The following PHOSPHO1 variants were observed in gnomAD, a reference collection of about 807,000 sequenced individuals.
PHOSPHO1 encodes the protein phosphoethanolamine/phosphocholine phosphatase.
In PHOSPHO1, 6 loss-of-function variants were observed where a neutral mutation model predicts 17.7. The ratio of observed to expected loss-of-function variants is 0.34; its 90% CI spans 0.19 to 0.67. PHOSPHO1 has a LOEUF of 0.67. Ranked by LOEUF, PHOSPHO1 falls within the 30% of genes least tolerant of loss-of-function variation. PHOSPHO1 has a pLI of 0.69. For missense variants in PHOSPHO1, 330 were observed against 392.1 expected (o/e 0.84, Z 1.34); for synonymous variants, 159 against 174.6 (o/e 0.91, Z 0.71).
chr17:49,224,024 C>T lies in PHOSPHO1; in HGVS notation c.*222G>A. ...GATGGGTCAGACTCCAGAACTCAAC[C>T]GTGCACAGTGGAGTGGGGGAGGCAG... is the stretch of plus-strand genomic sequence containing the variant. On this transcript the variant is annotated 3_prime_UTR_variant, in exon 3 of 3. Transcript: ENST00000310544. The T allele has an allele frequency of 1.6e-6, 1 of 629,622 alleles. No individual in the cohort carries two copies. The allele number at this position is 629,622 out of a possible 1,614,324, so 39.0% of individuals were successfully genotyped here. A position where few individuals can be genotyped will look rare whatever the true frequency, so the allele number is the denominator to read the frequency against.
At chr17:49,228,447 A>G (rs931248818) in intron 1 of PHOSPHO1, among the ~76,000 whole-genome samples, 3 of 152,058 alleles carry the variant, frequency 2.0e-5, no homozygotes, top group Admixed American at 2.0e-4. Flanking sequence ...ACTTAAGTCT[A>G]GGAGTTTGAG....
Position 49,226,748 on chromosome 17 carries a change from G to A in PHOSPHO1, c.-57C>T, listed in dbSNP as rs1028689111. 4.4e-5 allele frequency: 71 copies of A among 1,601,144 alleles called. No individual in the cohort carries two copies. In the African/African-American group the frequency reaches 7.5e-4, roughly 17 times the overall value. The stretch of plus-strand genomic sequence containing the variant: ...GGGACTCTGTTGGCCTCCAGCCGTC[G>A]TCACACGTTCCTGACAACCACAAAA... On this transcript the variant is annotated 5_prime_UTR_variant, in exon 2 of 3. The change creates a new upstream start codon in the 5' untranslated region. Coordinates refer to ENST00000310544, the MANE Select transcript of PHOSPHO1 (RefSeq NM_178500.4).
At position 49,224,885 on chromosome 17, in the gene PHOSPHO1, G is replaced by T. The variant is rs1364860776; in HGVS notation, c.165C>A (p.Leu55=). 5.5e-5 allele frequency: 88 copies of T among 1,604,512 alleles called. No individual in the cohort carries two copies. The highest frequency in any genetic ancestry group is 7.5e-5 in the Non-Finnish European group (88 of 1,176,356). The stretch of plus-strand genomic sequence containing the variant: ...GGTAGGTGGCTCGCAGGCTCTCCGG[G>T]AGCCGCTGGCCCGGCGCGGCGCGCA... ...SIVRAAPGQR[L]PESLRATYRE... is the part of the protein sequence containing the mutation. Residue 55 remains leucine (L), a synonymous_variant, in exon 3 of 3, where the codon CTC becomes CTA. Coordinates refer to ENST00000310544, the MANE Select transcript of PHOSPHO1 (RefSeq NM_178500.4).
At chr17:49,227,154 G>A (rs2043365307) in intron 1 of PHOSPHO1, among the ~76,000 whole-genome samples, 1 of 152,206 alleles carries the variant, frequency 6.6e-6, no homozygotes, top group African/African-American at 2.4e-5. Flanking sequence ...AGGGCTCAGA[G>A]AGGTTAACTA....
At chr17:49,225,460 T>A in intron 2 of PHOSPHO1, 1 of 985,092 alleles carries the variant, frequency 1.0e-6, no homozygotes, top group Non-Finnish European at 1.2e-6. Flanking sequence ...TTCCCTGAGG[T>A]AGAGTCAAGG....
At position 49,223,958 on chromosome 17, in the gene PHOSPHO1, A is replaced by C; in HGVS notation, c.*288T>G. ...CCCCTTCCTCCCAGTTGGGAGGACC[A>C]GGAAATACTGCTGCCTTCCAAGGTT... On this transcript the variant is annotated 3_prime_UTR_variant, in exon 3 of 3. Transcript: ENST00000310544. The C allele has an allele frequency of 2.8e-6, 1 of 353,422 alleles. No individual in the cohort carries two copies. The highest frequency in any genetic ancestry group is 5.1e-6 in the Non-Finnish European group (1 of 197,700). The allele number at this position is 353,422 out of a possible 1,614,324, so 21.9% of individuals were successfully genotyped here.
chr17:49,224,860 G>A lies in PHOSPHO1; in HGVS notation c.190C>T (p.Arg64Cys). Residue 64 changes from arginine to cysteine, a missense_variant, in exon 3 of 3, where the codon CGC (arginine) becomes TGC (cysteine). Arg to Cys is a radical substitution (Grantham distance 180, BLOSUM62 -3). Coordinates refer to ENST00000310544, the MANE Select transcript of PHOSPHO1 (RefSeq NM_178500.4). Reference protein sequence around the residue: ...RLPESLRATYREGFYNEYMQR... With the variant: ...RLPESLRATYCEGFYNEYMQR... ...ATGTACTCGTTGTAGAAGCCCTCGC[G>A]GTAGGTGGCTCGCAGGCTCTCCGGG... 3 of 1,607,022 alleles carry A rather than the reference G, an allele frequency of 1.9e-6. No homozygotes were observed. The highest frequency in any genetic ancestry group is 2.5e-6 in the Non-Finnish European group (3 of 1,177,238).
Position 49,224,440 on chromosome 17 carries a change from C to T in PHOSPHO1, c.610G>A (p.Gly204Ser). 6.4e-7 allele frequency: 1 copy of T among 1,554,834 alleles called. No homozygotes were observed. Among genetic ancestry groups the T allele is most frequent in the Non-Finnish European group, 8.7e-7 (1 of 1,151,878 alleles). Residue 204 changes from glycine to serine, a missense_variant, in exon 3 of 3, where the codon GGC becomes AGC. Physicochemically the swap from Gly to Ser is moderately conservative, Grantham distance 56. Coordinates refer to ENST00000310544, the MANE Select transcript of PHOSPHO1 (RefSeq NM_178500.4). Reference sequence around the variant, plus strand: ...CCCATGGGGCAGAAGTCGTTGGCGCCGTCGCCCACGTAGAAGAGGCGCTCG... The same window carrying T: ...CCCATGGGGCAGAAGTCGTTGGCGCTGTCGCCCACGTAGAAGAGGCGCTCG... ...HFERLFYVGD[G>S]ANDFCPMGLL...
Position 49,224,419 on chromosome 17 carries a change from T to G in PHOSPHO1, c.631A>C (p.Met211Leu). The change falls in exon 3 of 3, where the codon ATG (methionine) becomes CTG (leucine). Residue 211 changes from methionine (M) to leucine (L), a missense_variant. Physicochemically the swap from Met to Leu is conservative, Grantham distance 15 (BLOSUM62 2). Transcript: ENST00000310544. ...ACGTCGCCGCCCGCCAGCAGCCCCATGGGGCAGAAGTCGTTGGCGCCGTCG... is the reference window on the plus strand; with the variant it reads ...ACGTCGCCGCCCGCCAGCAGCCCCAGGGGGCAGAAGTCGTTGGCGCCGTCG... ...VGDGANDFCP[M>L]GLLAGGDVAF... 1 of 1,553,936 alleles carries G rather than the reference T, an allele frequency of 6.4e-7. No individual in the cohort carries two copies. The highest frequency in any genetic ancestry group is 8.7e-7 in the Non-Finnish European group (1 of 1,151,748).
In PHOSPHO1 at chr17:49,230,699, T is replaced by A. The variant is rs1369521051; in HGVS notation, c.-299A>T. ...CTGAGCCGTCCCCTCCACTTGCCCCTCATCCCCCCCGGGCAGCCGCCGCGT... is the reference window on the plus strand; with the variant it reads ...CTGAGCCGTCCCCTCCACTTGCCCCACATCCCCCCCGGGCAGCCGCCGCGT... On this transcript the variant is annotated 5_prime_UTR_variant, in exon 1 of 3. Transcript: ENST00000310544. The A allele has an allele frequency of 2.0e-5, 3 of 153,276 alleles. No individual in the cohort carries two copies. In the Admixed American group the frequency reaches 2.0e-4, roughly 10 times the overall value. The allele number at this position is 153,276 out of a possible 1,614,324, so 9.5% of individuals were successfully genotyped here.
intron 2 of PHOSPHO1, chr17:49,225,826 G>C: frequency 8.3e-7 from 1 of 1,208,990 alleles, no homozygotes; most frequent in South Asian, 1.5e-5. Flanking sequence ...TGGCTGAAAA[G>C]GCAGAGGAGT....
chr17:49,228,208 G>A (rs1256551915), intron 1 of PHOSPHO1, among the ~76,000 whole-genome samples: 1 of 151,880 alleles, frequency 6.6e-6, no homozygotes, highest in Non-Finnish European at 1.5e-5. Context: ...CTATAGAGAA[G>A]GGTCTCATTA....
Position 49,223,926 on chromosome 17 carries a change from G to C in PHOSPHO1, c.*320C>G, listed in dbSNP as rs2043320959. 1.5e-5 allele frequency: 4 copies of C among 275,054 alleles called. No individual in the cohort carries two copies. Among genetic ancestry groups the C allele is most frequent in the Middle Eastern group, 2.1e-3 (2 of 936 alleles). The allele number at this position is 275,054 out of a possible 1,614,324, so 17.0% of individuals were successfully genotyped here. A position where few individuals can be genotyped will look rare whatever the true frequency, so the allele number is the denominator to read the frequency against. On this transcript the variant is annotated 3_prime_UTR_variant, in exon 3 of 3. Coordinates refer to ENST00000310544, the MANE Select transcript of PHOSPHO1 (RefSeq NM_178500.4). The stretch of plus-strand genomic sequence containing the variant: ...GGAGATGTTCCTTCTCTCACCTGCC[G>C]GGGGGGCCCCTTCCTCCCAGTTGGG...
intron 1 of PHOSPHO1, 54 bp from the exon 2 acceptor site, chr17:49,226,812 AC>A: frequency 1.8e-6 from 2 of 1,108,196 alleles, no homozygotes; most frequent in Non-Finnish European, 2.7e-6. Context: ...CTTTGCTTCC[AC>A]CAGGAATACC....
At chr17:49,225,263 C>A (rs760455162) in intron 2 of PHOSPHO1, 1 of 1,401,680 alleles carries the variant, frequency 7.1e-7, no homozygotes, top group African/African-American at 1.4e-5. Context: ...GAGGGCTTCT[C>A]GGCACCTGTT....
rs1426612803 is a variant in PHOSPHO1, at chr17:49,224,793, G to A, written c.257C>T (p.Pro86Leu). The A allele has an allele frequency of 6.3e-7, 1 of 1,598,808 alleles. No individual in the cohort carries two copies. The highest frequency in any genetic ancestry group is 8.5e-7 in the Non-Finnish European group (1 of 1,173,142). The stretch of plus-strand genomic sequence containing the variant: ...TTCGTAGATGGCGCTCAGGTCCCGC[G>A]GCCGCACGCCCTGCTCGCCCAGGTA... ...FKYLGEQGVR[P>L]RDLSAIYEAI... is the part of the protein sequence containing the mutation. The change falls in exon 3 of 3, where the codon CCG becomes CTG. Residue 86 changes from proline (P) to leucine (L), a missense_variant. By Grantham distance (98) the Pro-to-Leu change is moderately conservative. Transcript: ENST00000310544.
chr17:49,228,050 T>C (rs1008705119), intron 1 of PHOSPHO1, among the ~76,000 whole-genome samples: 1 of 152,150 alleles, frequency 6.6e-6, no homozygotes, highest in Admixed American at 6.6e-5. Flanking sequence ...TGATATCACA[T>C]GTCCAACCTC....
In PHOSPHO1 at chr17:49,224,064, C is replaced by G; in HGVS notation, c.*182G>C. 1 of 926,364 alleles carries G rather than the reference C, an allele frequency of 1.1e-6. No homozygotes were observed. Among genetic ancestry groups the G allele is most frequent in the Non-Finnish European group, 1.6e-6 (1 of 645,102 alleles). The allele number at this position is 926,364 out of a possible 1,614,324, so 57.4% of individuals were successfully genotyped here. ...GGGGGAGGCAGCCGAGGTGGGTTAA[C>G]TGAATAGATAGGGACGGCTCTGAGC... On this transcript the variant is annotated 3_prime_UTR_variant, in exon 3 of 3. Transcript: ENST00000310544.
chr17:49,230,214 G>T (rs549205647), intron 1 of PHOSPHO1, among the ~76,000 whole-genome samples: 1 of 152,254 alleles, frequency 6.6e-6, no homozygotes, highest in African/African-American at 2.4e-5. Flanking sequence ...AATGCGGGCG[G>T]GGGGTGCGCG....
Sources: gnomAD v4.1 joint callset for allele counts (sites outside exome capture counted in the v4.1 genomes callset) on GRCh38, gnomAD v4.1.1 for gene constraint, MANE v1.5 for transcripts, NCBI Gene and HGNC (gene_info 2026-07-23, HGNC 2026-07-21) for gene names.